The following PTPRD variants were observed in gnomAD, a reference collection of about 807,000 sequenced individuals.
The protein encoded by PTPRD is protein tyrosine phosphatase receptor type D, also known as receptor-type tyrosine-protein phosphatase delta.
In PTPRD, 34 loss-of-function variants were observed where a neutral mutation model predicts 214.5. That is an observed-to-expected ratio of 0.16 (90% CI 0.12 to 0.21). The LOEUF (loss-of-function observed/expected upper bound fraction) is 0.21, where lower values mean the gene tolerates loss of function less well. Ranked by LOEUF, PTPRD falls within the 10% of genes least tolerant of loss-of-function variation. The probability of loss-of-function intolerance (pLI) is 1.00; values close to 1 mark genes in which losing one functional copy is unlikely to be tolerated. For synonymous variants in PTPRD, 1,128 were observed against 845.7 expected (o/e 1.33, Z -5.79); for missense variants, 2,545 against 2,398.7 (o/e 1.06, Z -1.27).
intron 2 of PTPRD, among the ~76,000 whole-genome samples, chr9:10,569,399 G>C (rs1042769876): frequency 1.3e-5 from 2 of 151,884 alleles, no homozygotes; most frequent in Admixed American, 6.6e-5. Context: ...TCCCTTTCAT[G>C]ACCTGGTTTT....
intron 12 of PTPRD, among the ~76,000 whole-genome samples, chr9:8,702,092 C>T (rs1361496547): frequency 6.6e-6 from 1 of 151,958 alleles, no homozygotes. Flanking sequence ...CTTTAGTTTG[C>T]TCTCCTACTT....
rs1204299435 is a variant in PTPRD, at chr9:8,369,543, T to C, written c.4661+6393A>G. ...TATGTGGTATGCAGTCCCTATTCCTTCCAGTTCTGAAGAGTGGTTTGATTC... is the reference window on the plus strand; with the variant it reads ...TATGTGGTATGCAGTCCCTATTCCTCCCAGTTCTGAAGAGTGGTTTGATTC... On this transcript the variant is annotated intron_variant, in intron 39 of 45. Transcript: ENST00000381196. Among the ~76,000 whole-genome samples the C allele has an allele frequency of 5.2e-4, 79 of 151,258 alleles. No individual in the cohort carries two copies. The Admixed American group carries it at 5.2e-3, about 10-fold the overall frequency.
chr9:9,358,493 T>C (rs2054723266), intron 9 of PTPRD, among the ~76,000 whole-genome samples: 1 of 151,286 alleles, frequency 6.6e-6, no homozygotes, highest in Non-Finnish European at 1.5e-5. Context: ...GAAAAGCTGA[T>C]TTTAAATAAT....
At chr9:9,361,721 G>T (rs1426843818) in intron 9 of PTPRD, among the ~76,000 whole-genome samples, 1 of 150,990 alleles carries the variant, frequency 6.6e-6, no homozygotes, top group East Asian at 1.9e-4. Context: ...CTCTAGTGTG[G>T]TCTTGATCTT....
At chr9:9,150,181 G>A (rs2099875427) in intron 10 of PTPRD, among the ~76,000 whole-genome samples, 1 of 152,134 alleles carries the variant, frequency 6.6e-6, no homozygotes, top group Non-Finnish European at 1.5e-5. Flanking sequence ...CCATGGACAT[G>A]TCTTGTTATG....
chr9:9,923,751 T>C (rs1175918812), intron 5 of PTPRD, among the ~76,000 whole-genome samples: 1 of 151,912 alleles, frequency 6.6e-6, no homozygotes, highest in Non-Finnish European at 1.5e-5. Context: ...TGAAGAGAAG[T>C]ACACATCTAA....
intron 4 of PTPRD, among the ~76,000 whole-genome samples, chr9:9,945,487 T>C (rs1586726017): frequency 6.6e-6 from 1 of 152,180 alleles, no homozygotes; most frequent in East Asian, 1.9e-4. Flanking sequence ...ATGCAGGAAG[T>C]CAGAGAGTGG....
Position 9,595,285 on chromosome 9 carries a change from A to AT in PTPRD, c.-286-20505dup, listed in dbSNP as rs2093185082. Among the ~76,000 whole-genome samples, 2 of 3,000 alleles carry AT rather than the reference A, an allele frequency of 6.7e-4. 1 individual carries two copies. The highest frequency in any genetic ancestry group is 2.0e-3 in the African/African-American group (2 of 976). 2.0% of individuals were successfully genotyped at this position (3,000 alleles called of 152,430 possible). On this transcript the variant is annotated intron_variant, in intron 7 of 45. Transcript: ENST00000381196. ...TCTTTATATGAAAAGGATTATATAT[A>AT]TATTATATATATATATATATATATA...
intron 11 of PTPRD, among the ~76,000 whole-genome samples, chr9:8,780,203 G>A (rs537917724): frequency 6.6e-6 from 1 of 152,210 alleles, no homozygotes; most frequent in South Asian, 2.1e-4. Context: ...ATAATACCTT[G>A]TGTTCAGTAA....
intron 3 of PTPRD, among the ~76,000 whole-genome samples, chr9:10,181,914 C>T (rs2136528): frequency 8.8e-6 from 1 of 113,726 alleles, no homozygotes; most frequent in Non-Finnish European, 1.7e-5. Flanking sequence ...GAAAAGCTTT[C>T]TTAAATATGA....
intron 4 of PTPRD, among the ~76,000 whole-genome samples, chr9:9,988,609 T>C (rs2095802232): frequency 6.6e-6 from 1 of 152,148 alleles, no homozygotes. Context: ...TAAATCTTTT[T>C]TTCTGCCTAG....
intron 9 of PTPRD, among the ~76,000 whole-genome samples, chr9:9,183,886 AT>A (rs1441120236): frequency 2.0e-5 from 3 of 152,038 alleles, no homozygotes; most frequent in African/African-American, 7.2e-5. Context: ...TCTTATAAGC[AT>A]TACATTTATG....
At chr9:8,655,607 G>C (rs1433668711) in intron 12 of PTPRD, among the ~76,000 whole-genome samples, 2 of 152,022 alleles carry the variant, frequency 1.3e-5, no homozygotes, top group Non-Finnish European at 2.9e-5. Context: ...CTTTGAAAAA[G>C]TCAGTAATTA....
rs574730937 is a variant in PTPRD at position 10,262,261 on chromosome 9, C to T, written c.-545+78702G>A. 9.2e-5 allele frequency among the ~76,000 whole-genome samples: 14 copies of T among 152,216 alleles called. No individual in the cohort carries two copies. The South Asian group carries it at 2.7e-3, about 29-fold the overall frequency. ...AAACAATATTTTGAAAAAGGGACTA[C>T]AAACTATAAAATAGGATAATTACAC... On this transcript the variant is annotated intron_variant, in intron 3 of 45. Transcript: ENST00000381196.
intron 39 of PTPRD, among the ~76,000 whole-genome samples, chr9:8,372,089 C>A (rs1226185111): frequency 1.3e-5 from 2 of 151,978 alleles, no homozygotes; most frequent in Middle Eastern, 3.2e-3. Flanking sequence ...TATAAATGAT[C>A]CTCTCTAACA....
At chr9:10,397,044 T>C (rs2098184463) in intron 2 of PTPRD, among the ~76,000 whole-genome samples, 1 of 152,044 alleles carries the variant, frequency 6.6e-6, no homozygotes, top group African/African-American at 2.4e-5. Context: ...CTTAGAAATA[T>C]ATACCACTTG....
At chr9:9,651,838 T>TG (rs1334919315) in intron 7 of PTPRD, among the ~76,000 whole-genome samples, 95 of 129,572 alleles carry the variant, frequency 7.3e-4, no homozygotes, top group South Asian at 1.1e-3. Flanking sequence ...TTTTTTTTTT[T>TG]TTTTTTTTTT....
chr9:10,069,937 G>A (rs1451903557), intron 3 of PTPRD, among the ~76,000 whole-genome samples: 3 of 151,914 alleles, frequency 2.0e-5, no homozygotes, highest in Non-Finnish European at 4.4e-5. Flanking sequence ...TAGTATAAAT[G>A]ATGCTCTAGG....
At chr9:8,330,409 T>A (rs563149828) in intron 44 of PTPRD, among the ~76,000 whole-genome samples, 1 of 152,122 alleles carries the variant, frequency 6.6e-6, no homozygotes, top group Non-Finnish European at 1.5e-5. Context: ...AACTTTTATA[T>A]GCACTGGGAA....
Sources: allele counts gnomAD v4.1 joint callset (sites outside exome capture counted in the v4.1 genomes callset), GRCh38; gene constraint gnomAD v4.1.1; transcripts MANE v1.5; gene names NCBI Gene and HGNC (gene_info 2026-07-23, HGNC 2026-07-21).